MCU: variants seen among roughly 807,000 people sequenced by gnomAD.
The protein encoded by MCU is mitochondrial calcium uniporter.
Under a neutral mutation model 45.2 loss-of-function variants are expected in MCU, and 12 were observed. The ratio of observed to expected loss-of-function variants is 0.27; its 90% confidence interval spans 0.17 to 0.43. The LOEUF (loss-of-function observed/expected upper bound fraction) is 0.43, where lower values mean the gene tolerates loss of function less well. Ranked by LOEUF, MCU falls within the 20% of genes least tolerant of loss-of-function variation. The probability of loss-of-function intolerance (pLI) is 1.00; values close to 1 mark genes in which losing one functional copy is unlikely to be tolerated. For synonymous variants in MCU, 160 were observed against 165.1 expected (o/e 0.97, Z 0.24); for missense variants, 324 against 436.7 (o/e 0.74, Z 2.30).
chr10:72,735,401 G>A (rs1332414666), intron 1 of MCU, among the ~76,000 whole-genome samples: 1 of 152,152 alleles, frequency 6.6e-6, no homozygotes, highest in Non-Finnish European at 1.5e-5. Context: ...TGGATGTGAT[G>A]TGGTTTAATA....
intron 1 of MCU, among the ~76,000 whole-genome samples, chr10:72,714,345 C>CTTTTTTTTT (rs1160353409): frequency 0.013 from 692 of 54,708 alleles, 132 homozygotes; most frequent in African/African-American, 0.042. Flanking sequence ...CCGCCCTGGT[C>CTTTTTTTTT]TTTTTTTTTT....
intron 1 of MCU, among the ~76,000 whole-genome samples, chr10:72,725,317 G>C (rs908569972): frequency 6.6e-6 from 1 of 151,966 alleles, no homozygotes; most frequent in Non-Finnish European, 1.5e-5. Context: ...TAGTAGAGAC[G>C]GGGTTTCACC....
chr10:72,759,074 A>G (rs1843617751), intron 1 of MCU, among the ~76,000 whole-genome samples: 1 of 152,154 alleles, frequency 6.6e-6, no homozygotes, highest in South Asian at 2.1e-4. Flanking sequence ...GGGTAATAGT[A>G]CTTCTGTTCA....
At chr10:72,742,202 G>T (rs924252224) in intron 1 of MCU, among the ~76,000 whole-genome samples, 1 of 152,070 alleles carries the variant, frequency 6.6e-6, no homozygotes, top group African/African-American at 2.4e-5. Flanking sequence ...TGTTGTACAG[G>T]TGTGTAGCCT....
chr10:72,800,008 A>C (rs1844314851), intron 1 of MCU, among the ~76,000 whole-genome samples: 1 of 152,212 alleles, frequency 6.6e-6, no homozygotes, highest in Non-Finnish European at 1.5e-5. Flanking sequence ...GAAATGCTCC[A>C]AAATCCAAAA....
intron 1 of MCU, among the ~76,000 whole-genome samples, chr10:72,713,521 C>T (rs1239684954): frequency 6.6e-6 from 1 of 152,170 alleles, no homozygotes; most frequent in Non-Finnish European, 1.5e-5. Context: ...CTCAGGTGAT[C>T]TGCCCGCCTC....
chr10:72,879,264 A>G (rs1269991186), intron 6 of MCU, among the ~76,000 whole-genome samples: 1 of 152,188 alleles, frequency 6.6e-6, no homozygotes, highest in Non-Finnish European at 1.5e-5. Context: ...CTCTGTATCA[A>G]AAAAATAAAA....
intron 1 of MCU, among the ~76,000 whole-genome samples, chr10:72,699,638 C>G (rs1039380139): frequency 1.3e-5 from 2 of 148,608 alleles, no homozygotes; most frequent in African/African-American, 5.0e-5. Context: ...GTCGTCCATG[C>G]TGGAGTGCAG....
At chr10:72,851,927 A>G (rs1049355856) in intron 2 of MCU, among the ~76,000 whole-genome samples, 2 of 152,224 alleles carry the variant, frequency 1.3e-5, no homozygotes, top group African/African-American at 2.4e-5. Context: ...GTTAAAGGAA[A>G]TATGGGGTTG....
intron 1 of MCU, among the ~76,000 whole-genome samples, chr10:72,750,993 TTTTTATTTTTTA>T (rs1468457316): frequency 2.0e-4 from 31 of 152,308 alleles, no homozygotes; most frequent in African/African-American, 3.4e-4. Flanking sequence ...TTTTAATTCA[TTTTTATTTTTTA>T]TTTTATTTTT....
At chr10:72,778,756 T>C (rs573060678) in intron 1 of MCU, among the ~76,000 whole-genome samples, 3 of 152,238 alleles carry the variant, frequency 2.0e-5, no homozygotes, top group Admixed American at 6.5e-5. Flanking sequence ...AGATTTTGAC[T>C]GTTAATATAA....
chr10:72,839,856 C>T (rs1845020985), intron 2 of MCU, among the ~76,000 whole-genome samples: 1 of 148,396 alleles, frequency 6.7e-6, no homozygotes, highest in African/African-American at 2.5e-5. Context: ...CCCAACTACT[C>T]AGGAGGCTGA....
intron 4 of MCU, among the ~76,000 whole-genome samples, chr10:72,867,709 G>T (rs937307133): frequency 6.6e-6 from 1 of 152,042 alleles, no homozygotes; most frequent in Non-Finnish European, 1.5e-5. Context: ...AAAAAAATTA[G>T]CCGGGCATGG....
Position 72,824,299 on chromosome 10 carries a change from C to T in MCU, c.151-10060C>T, listed in dbSNP as rs544804821. Among the ~76,000 whole-genome samples the T allele has an allele frequency of 1.8e-4, 27 of 150,818 alleles. 1 individual carries two copies. Among genetic ancestry groups the T allele is most frequent in the African/African-American group, 4.9e-4 (20 of 41,032 alleles). ...GCAACCTCCACCTCCCAGGTTCAAG[C>T]GATTCTCTTGCCTCAGCCTCCCGAG... On this transcript the variant is annotated intron_variant, in intron 1 of 7. Coordinates refer to ENST00000373053, the MANE Select transcript of MCU (RefSeq NM_138357.3).
intron 1 of MCU, among the ~76,000 whole-genome samples, chr10:72,834,140 T>A (rs1295802980): frequency 1.3e-5 from 2 of 152,230 alleles, no homozygotes; most frequent in Non-Finnish European, 2.9e-5. Flanking sequence ...TAAATGTGTT[T>A]GCATAAATCT....
Position 72,805,085 on chromosome 10 carries a change from C to G in MCU, c.151-29274C>G, listed in dbSNP as rs527988735. On this transcript the variant is annotated intron_variant, in intron 1 of 7. Coordinates refer to ENST00000373053, the MANE Select transcript of MCU (RefSeq NM_138357.3). Reference sequence around the variant, plus strand: ...TCACCTGGCCCTAGTTTGTTTCTTTCTTTCTTTCTTTCTTTCTCTTTCTTT... The same window carrying G: ...TCACCTGGCCCTAGTTTGTTTCTTTGTTTCTTTCTTTCTTTCTCTTTCTTT... Among the ~76,000 whole-genome samples the G allele has an allele frequency of 3.2e-3, 462 of 143,878 alleles. 5 individuals are homozygous for G. The highest frequency in any genetic ancestry group is 0.015 in the Middle Eastern group (4 of 274). 94.4% of individuals were successfully genotyped at this position (143,878 alleles called of 152,430 possible). A position where few individuals can be genotyped will look rare whatever the true frequency, so the allele number is the denominator to read the frequency against.
intron 1 of MCU, among the ~76,000 whole-genome samples, chr10:72,714,266 AT>A (rs982821781): frequency 1.7e-4 from 25 of 144,990 alleles, no homozygotes; most frequent in Non-Finnish European, 2.7e-4. Context: ...CGCCTGGCCA[AT>A]TTTTTTCTTG....
intron 1 of MCU, among the ~76,000 whole-genome samples, chr10:72,717,558 C>T (rs575507617): frequency 2.2e-4 from 34 of 152,052 alleles, no homozygotes; most frequent in African/African-American, 7.7e-4. Context: ...TGTGCCCAGC[C>T]GGGATTGCTT....
At chr10:72,715,251 C>A in intron 1 of MCU, 1 of 841,874 alleles carries the variant, frequency 1.2e-6, no homozygotes, top group Non-Finnish European at 1.4e-6. Flanking sequence ...TACTATTTGG[C>A]ATGGTTTTTG....
Sources: allele counts gnomAD v4.1 joint callset (sites outside exome capture counted in the v4.1 genomes callset), GRCh38; gene constraint gnomAD v4.1.1; transcripts MANE v1.5; gene names NCBI Gene and HGNC (gene_info 2026-07-23, HGNC 2026-07-21).